The following AK9 variants were observed in gnomAD, a reference collection of about 807,000 sequenced individuals.
AK9 encodes adenylate kinase domain containing 1.
In AK9, 191 loss-of-function variants were observed where a neutral mutation model predicts 239.6. That is an observed-to-expected ratio of 0.80 (90% CI 0.71 to 0.90). The LOEUF (loss-of-function observed/expected upper bound fraction) is 0.90. Among genes scored for constraint, AK9 ranks in the 40% least tolerant of loss-of-function variants. The pLI, the probability that AK9 is intolerant of heterozygous loss-of-function variation, is 0.00. For synonymous variants in AK9, 689 were observed against 721.0 expected (o/e 0.96, Z 0.71); for missense variants, 1,995 against 2,214.7 (o/e 0.90, Z 1.99).
At chr6:109,682,899 G>C (rs983570655) in intron 1 of AK9, among the ~76,000 whole-genome samples, 19 of 152,176 alleles carry the variant, frequency 1.2e-4, no homozygotes, top group African/African-American at 4.6e-4. Flanking sequence ...CTCATTTTAT[G>C]AAGCCAGCAT....
intron 12 of AK9, among the ~76,000 whole-genome samples, chr6:109,619,548 T>C (rs1794579009): frequency 6.6e-6 from 1 of 152,108 alleles, no homozygotes; most frequent in Admixed American, 6.6e-5. Context: ...TAAATCCATG[T>C]TATATGTATA....
intron 5 of AK9, among the ~76,000 whole-genome samples, chr6:109,663,546 T>C (rs945513878): frequency 3.9e-5 from 6 of 152,214 alleles, no homozygotes; most frequent in Non-Finnish European, 7.3e-5. Flanking sequence ...ACATCCATTA[T>C]TAAGAAAAGC....
chr6:109,578,877 T>C (rs1788459971), intron 20 of AK9, among the ~76,000 whole-genome samples: 1 of 148,882 alleles, frequency 6.7e-6, no homozygotes, highest in Non-Finnish European at 1.5e-5. Flanking sequence ...TTTATTCCAC[T>C]GTGGTCTGAG....
intron 29 of AK9, among the ~76,000 whole-genome samples, chr6:109,518,221 C>T (rs1320430710): frequency 6.6e-6 from 1 of 152,128 alleles, no homozygotes; most frequent in East Asian, 1.9e-4. Context: ...TGCTCCTGCC[C>T]AAGCTCCCCT....
At chr6:109,626,628 C>T (rs1795554679) in intron 12 of AK9, among the ~76,000 whole-genome samples, 1 of 152,162 alleles carries the variant, frequency 6.6e-6, no homozygotes, top group African/African-American at 2.4e-5. Flanking sequence ...ATGGTATAGC[C>T]TATTGCTCCT....
chr6:109,512,082 C>G (rs1223801835), intron 32 of AK9, among the ~76,000 whole-genome samples: 1 of 152,124 alleles, frequency 6.6e-6, no homozygotes, highest in African/African-American at 2.4e-5. Flanking sequence ...TTAAGGCATT[C>G]TAAGTCACAG....
intron 8 of AK9, among the ~76,000 whole-genome samples, chr6:109,648,645 C>T (rs923376167): frequency 2.0e-5 from 3 of 152,148 alleles, no homozygotes; most frequent in African/African-American, 7.2e-5. Flanking sequence ...GATTCACAGC[C>T]AAATTCTACC....
intron 7 of AK9, 100 bp downstream of exon 7, chr6:109,659,128 G>A: frequency 7.5e-7 from 1 of 1,330,740 alleles, no homozygotes. Context: ...TAAAGAAAAT[G>A]TATAGCATCT....
intron 1 of AK9, among the ~76,000 whole-genome samples, chr6:109,686,330 G>C (rs762193150): frequency 2.0e-5 from 3 of 152,232 alleles, no homozygotes; most frequent in African/African-American, 4.8e-5. Context: ...TAAAAGGCCA[G>C]TGGTCTGGGA....
chr6:109,499,079 GC>G lies in AK9; in HGVS notation c.5010del (p.His1671ThrfsTer5). 1 of 1,577,350 alleles carries G rather than the reference GC, an allele frequency of 6.3e-7. No individual in the cohort carries two copies. The highest frequency in any genetic ancestry group is 8.6e-7 in the Non-Finnish European group (1 of 1,163,734). ...TCCTGAGAACTCATTTTATAGTAGT[GC>G]CCCCTGAACTCTGCTGCAAATTCCA... Reference protein sequence around the residue: ...DSLEFAAEFRGHYYKMSSQEK... With the variant: ...DSLEFAAEFRXHYYKMSSQEK... On this transcript the variant is annotated frameshift_variant, in exon 36 of 41. Coordinates refer to ENST00000424296, the MANE Select transcript of AK9 (RefSeq NM_001145128.3). LOFTEE classifies it high-confidence loss of function.
rs1439097096 is a variant in AK9 at position 109,659,243 on chromosome 6, C to T, written c.615G>A (p.Glu205=). ...GKGEEEEEEE[E]QEEEEAFIAE... ...GAGATATTACCTCTTCTTCTTCTTG[C>T]TCTTCTTCCTCTTCTTCCTCTTCTC... The change falls in exon 7 of 41, where the codon GAG becomes GAA. Residue 205 remains glutamate, a synonymous_variant. Coordinates refer to ENST00000424296, the MANE Select transcript of AK9 (RefSeq NM_001145128.3). The T allele has an allele frequency of 2.5e-6, 4 of 1,574,792 alleles. No homozygotes were observed. The highest frequency in any genetic ancestry group is 2.0e-5 in the Admixed American group (1 of 51,126).
At chr6:109,554,888 G>T (rs1176774086) in intron 24 of AK9, among the ~76,000 whole-genome samples, 1 of 152,040 alleles carries the variant, frequency 6.6e-6, no homozygotes, top group East Asian at 1.9e-4. Context: ...ATTTGTTATT[G>T]TGTCTGTTTG....
At chr6:109,511,031 T>C (rs554912179) in intron 32 of AK9, among the ~76,000 whole-genome samples, 1 of 151,692 alleles carries the variant, frequency 6.6e-6, no homozygotes, top group African/African-American at 2.4e-5. Flanking sequence ...ATGTGGCTGA[T>C]AGATCTGGTT....
intron 17 of AK9, among the ~76,000 whole-genome samples, chr6:109,604,218 G>A (rs372388278): frequency 4.3e-4 from 66 of 152,128 alleles, no homozygotes; most frequent in African/African-American, 1.5e-3. Flanking sequence ...TGGAACCGCC[G>A]TGTAAATTTT....
In AK9 at chr6:109,633,030, G is replaced by C; in HGVS notation, c.1147C>G (p.Leu383Val). 1 of 1,594,866 alleles carries C rather than the reference G, an allele frequency of 6.3e-7. No homozygotes were observed. The highest frequency in any genetic ancestry group is 1.1e-5 in the South Asian group (1 of 86,968). The change falls in exon 12 of 41, where the codon CTG becomes GTG. Residue 383 changes from leucine to valine, a missense_variant. Around this residue, in one of 5 missense-constraint regions of AK9, gnomAD observed 1,290 missense variants for 1,392.7 expected, o/e 0.93. Coordinates refer to ENST00000424296, the MANE Select transcript of AK9 (RefSeq NM_001145128.3). ...KPFLLNPRPY[L>V]LPPMPGPPCK... The stretch of plus-strand genomic sequence containing the variant: ...GGTGGTCCTGGCATAGGTGGAAGCA[G>C]ATAGGGACGTGGGTTCAACAAAAAT...
chr6:109,659,169 C>A (rs896210808), intron 7 of AK9, 59 bp downstream of exon 7: 1 of 1,435,888 alleles, frequency 7.0e-7, no homozygotes, highest in African/African-American at 1.5e-5. Context: ...CCATCATTTA[C>A]CTTAATTATA....
Position 109,576,852 on chromosome 6 carries a change from A to G in AK9, c.2191+2698T>C, listed in dbSNP as rs187110023. On this transcript the variant is annotated intron_variant, in intron 20 of 40. Transcript: ENST00000424296. ...AGATTTCTTTTTTTTTTTTTTTGAG[A>G]CAGACTCTCACTCTGTCACCTAGGC... Among the ~76,000 whole-genome samples, 7 of 145,100 alleles carry G rather than the reference A, an allele frequency of 4.8e-5. No individual in the cohort carries two copies. The Admixed American group carries it at 4.8e-4, about 10-fold the overall frequency.
chr6:109,611,959 T>G lies in AK9; in HGVS notation c.1693+51A>C, dbSNP rs748789703. The G allele has an allele frequency of 1.2e-5, 16 of 1,286,996 alleles. 1 individual carries two copies. In the Middle Eastern group the frequency reaches 3.1e-3, roughly 249 times the overall value. 79.7% of individuals were successfully genotyped at this position (1,286,996 alleles called of 1,614,324 possible). On this transcript the variant is annotated intron_variant, in intron 16 of 40. Transcript: ENST00000424296. ...CTAAATTCTGAGGGAACTACTTGTGTTTTTTAGAACCACAATCTAAAAGAA... is the reference window on the plus strand; with the variant it reads ...CTAAATTCTGAGGGAACTACTTGTGGTTTTTAGAACCACAATCTAAAAGAA...
intron 35 of AK9, among the ~76,000 whole-genome samples, chr6:109,502,552 T>C (rs996379636): frequency 6.6e-6 from 1 of 152,244 alleles, no homozygotes; most frequent in African/African-American, 2.4e-5. Context: ...TTTGGACTTC[T>C]AGCCACCAAA....
Sources: gnomAD v4.1 joint callset for allele counts (sites outside exome capture counted in the v4.1 genomes callset) on GRCh38, gnomAD v4.1.1 for gene constraint, gnomAD v4.1.1 regional missense constraint, MANE v1.5 for transcripts, NCBI Gene and HGNC (gene_info 2026-07-23, HGNC 2026-07-21) for gene names.